The following EFCAB13 variants were observed in gnomAD, a reference collection of about 807,000 sequenced individuals.
The protein encoded by EFCAB13 is EF-hand calcium binding domain 13.
EFCAB13 carries 91 observed loss-of-function variants against 110.2 expected under a neutral mutation model. The observed-to-expected ratio is 0.83, with a 90% CI of 0.70 to 0.98. EFCAB13 has a LOEUF of 0.98. EFCAB13 is among the 50% of genes least tolerant of loss of function. The probability of loss-of-function intolerance (pLI) is 0.00; values close to 1 mark genes in which losing one functional copy is unlikely to be tolerated. For synonymous variants in EFCAB13, 323 were observed against 369.9 expected (o/e 0.87, Z 1.45); for missense variants, 968 against 1,119.4 (o/e 0.86, Z 1.93).
chr17:47,380,959 T>G (rs186396794), intron 14 of EFCAB13, among the ~76,000 whole-genome samples: 2 of 150,002 alleles, frequency 1.3e-5, no homozygotes, highest in African/African-American at 4.9e-5. Flanking sequence ...CTTGGCTCAC[T>G]GCAACCTTTG....
At position 47,374,622 on chromosome 17, in the gene EFCAB13, A is replaced by G; in HGVS notation, c.1028A>G (p.Asn343Ser). The change falls in exon 12 of 25, where the codon AAC (asparagine) becomes AGC (serine). Residue 343 changes from asparagine to serine, a missense_variant. Transcript: ENST00000331493. ...SISKKLNKKS[N>S]QYYSKIMEND... ...TCCAAAAAGTTAAATAAAAAAAGCA[A>G]CCAATATTATAGCAAAATTATGGAG... 1 of 1,604,892 alleles carries G rather than the reference A, an allele frequency of 6.2e-7. No individual in the cohort carries two copies.
intron 6 of EFCAB13, 126 bp downstream of exon 6, chr17:47,342,158 C>T: frequency 1.8e-6 from 1 of 555,478 alleles, no homozygotes; most frequent in Non-Finnish European, 3.2e-6. Flanking sequence ...CCTGGTCTTG[C>T]TTCTCCTCTT....
intron 20 of EFCAB13, among the ~76,000 whole-genome samples, chr17:47,407,899 AAT>A (rs957895662): frequency 3.9e-5 from 6 of 152,134 alleles, no homozygotes; most frequent in African/African-American, 1.4e-4. Flanking sequence ...TTGGCCCCTA[AAT>A]CACACCATAA....
intron 9 of EFCAB13, among the ~76,000 whole-genome samples, chr17:47,349,628 A>G (rs971602135): frequency 6.6e-6 from 1 of 151,714 alleles, no homozygotes; most frequent in Non-Finnish European, 1.5e-5. Context: ...TGCCACTTTT[A>G]TCTTATGTTC....
At chr17:47,333,009 G>C (rs1214091908) in intron 4 of EFCAB13, among the ~76,000 whole-genome samples, 1 of 152,144 alleles carries the variant, frequency 6.6e-6, no homozygotes, top group Non-Finnish European at 1.5e-5. Context: ...TGGAATGGCT[G>C]TACTAACATT....
Position 47,347,834 on chromosome 17 carries a change from A to G in EFCAB13, c.544A>G (p.Ser182Gly). Residue 182 changes from serine (S) to glycine (G), a missense_variant, in exon 9 of 25, where the codon AGT becomes GGT. Coordinates refer to ENST00000331493, the MANE Select transcript of EFCAB13 (RefSeq NM_152347.5). Reference protein sequence around the residue: ...SALHKACKIFSKIRSGKIYVN... With the variant: ...SALHKACKIFGKIRSGKIYVN... ...ACTTCATAAAGCCTGTAAAATTTTT[A>G]GTAAAATTCGAAGTGGTAAGATTTA... is the stretch of plus-strand genomic sequence containing the variant. 6.6e-7 allele frequency: 1 copy of G among 1,519,788 alleles called. No individual in the cohort carries two copies. The allele number at this position is 1,519,788 out of a possible 1,614,324, so 94.1% of individuals were successfully genotyped here.
At chr17:47,406,471 A>G (rs919926962) in intron 20 of EFCAB13, among the ~76,000 whole-genome samples, 4 of 152,184 alleles carry the variant, frequency 2.6e-5, no homozygotes, top group African/African-American at 9.6e-5. Context: ...GTTGTATTTT[A>G]TTGTGGTCAG....
chr17:47,363,541 C>T (rs909048586), intron 10 of EFCAB13, among the ~76,000 whole-genome samples: 1 of 151,158 alleles, frequency 6.6e-6, no homozygotes, highest in Non-Finnish European at 1.5e-5. Flanking sequence ...TGCTCCATGG[C>T]AAATACTATA....
intron 9 of EFCAB13, among the ~76,000 whole-genome samples, chr17:47,351,200 A>G (rs187378366): frequency 1.2e-3 from 177 of 152,230 alleles, no homozygotes; most frequent in South Asian, 3.1e-3. Context: ...AGAAACAGAA[A>G]GTCAGATAGT....
At chr17:47,371,309 G>A (rs923289031) in intron 11 of EFCAB13, among the ~76,000 whole-genome samples, 5 of 151,936 alleles carry the variant, frequency 3.3e-5, no homozygotes, top group Admixed American at 1.3e-4. Flanking sequence ...CTAGACCAAT[G>A]TCCTGTAGAC....
intron 5 of EFCAB13, among the ~76,000 whole-genome samples, chr17:47,337,273 T>TG (rs2065356628): frequency 6.6e-6 from 1 of 152,180 alleles, no homozygotes; most frequent in Non-Finnish European, 1.5e-5. Flanking sequence ...CTCAAAAGAA[T>TG]GGGGTACAGT....
At chr17:47,436,159 G>A (rs369449484) in intron 24 of EFCAB13, among the ~76,000 whole-genome samples, 34 of 152,186 alleles carry the variant, frequency 2.2e-4, no homozygotes, top group Middle Eastern at 3.4e-3. Context: ...TTGATATGTC[G>A]TTGGATTCGG....
At chr17:47,367,965 A>G (rs2065557920) in intron 10 of EFCAB13, among the ~76,000 whole-genome samples, 1 of 152,106 alleles carries the variant, frequency 6.6e-6, no homozygotes, top group South Asian at 2.1e-4. Context: ...GGGATGTATG[A>G]TGTTGGTTTG....
chr17:47,354,157 T>C (rs2065468000), intron 9 of EFCAB13, among the ~76,000 whole-genome samples: 1 of 152,210 alleles, frequency 6.6e-6, no homozygotes, highest in Non-Finnish European at 1.5e-5. Flanking sequence ...CAGGAGCAGA[T>C]TATTTAATTT....
At chr17:47,423,592 A>G (rs1445851311) in intron 23 of EFCAB13, 3 of 334,580 alleles carry the variant, frequency 9.0e-6, no homozygotes, top group Middle Eastern at 1.6e-3. Context: ...CGGTCCTGGG[A>G]ACCCGCGACG....
intron 14 of EFCAB13, among the ~76,000 whole-genome samples, chr17:47,389,944 A>G (rs200397614): frequency 7.9e-6 from 1 of 127,148 alleles, no homozygotes; most frequent in Non-Finnish European, 1.7e-5. Context: ...ATCTTGCTGT[A>G]TGTACTATTT....
At chr17:47,372,046 C>G (rs1468328577) in intron 11 of EFCAB13, among the ~76,000 whole-genome samples, 1 of 152,116 alleles carries the variant, frequency 6.6e-6, no homozygotes, top group Non-Finnish European at 1.5e-5. Flanking sequence ...CCACATGGCA[C>G]TTTATGTCTT....
intron 24 of EFCAB13, among the ~76,000 whole-genome samples, chr17:47,432,399 AAAATAAATAAAT>A (rs60375757): frequency 0.056 from 7,728 of 138,486 alleles, 258 homozygotes; most frequent in East Asian, 0.11. Flanking sequence ...ATCCATCTCA[AAAATAAATAAAT>A]AAATAAATAA....
At chr17:47,378,453 C>T (rs2065628617) in intron 13 of EFCAB13, among the ~76,000 whole-genome samples, 1 of 152,030 alleles carries the variant, frequency 6.6e-6, no homozygotes, top group Non-Finnish European at 1.5e-5. Context: ...TAAGCATTTT[C>T]CACAACAGAA....
Sources: allele counts gnomAD v4.1 joint callset (sites outside exome capture counted in the v4.1 genomes callset), GRCh38; gene constraint gnomAD v4.1.1; transcripts MANE v1.5; gene names NCBI Gene and HGNC (gene_info 2026-07-23, HGNC 2026-07-21).